The following ASTN1 variants were observed in gnomAD, a reference collection of about 807,000 sequenced individuals.
The protein encoded by ASTN1 is astrotactin 1, also known as astrotactin-1.
In ASTN1, 41 loss-of-function variants were observed where a neutral mutation model predicts 140.7. The observed-to-expected ratio is 0.29, with a 90% confidence interval of 0.23 to 0.38. ASTN1 has a LOEUF of 0.38. ASTN1 is among the 10% of genes least tolerant of loss of function. The pLI, the probability that ASTN1 is intolerant of heterozygous loss-of-function variation, is 1.00. For synonymous variants in ASTN1, 640 were observed against 652.2 expected, an observed-to-expected ratio of 0.98 and a Z score of 0.29; for missense variants, 1,479 against 1,678.8, an observed-to-expected ratio of 0.88 and a Z score of 2.08.
chr1:176,891,412 T>G (rs1669261002), intron 17 of ASTN1, among the ~76,000 whole-genome samples: 1 of 152,198 alleles, frequency 6.6e-6, no homozygotes, highest in African/African-American at 2.4e-5. Flanking sequence ...GGCACTGGGA[T>G]TCTGGAGAAG....
rs917286190 is a variant in ASTN1, at chr1:176,863,285, A to G, written c.*999T>C. 3.2e-5 allele frequency: 32 copies of G among 985,750 alleles called. No homozygotes were observed. The African/African-American group carries it at 5.4e-4, about 17-fold the overall frequency. 61.1% of individuals were successfully genotyped at this position (985,750 alleles called of 1,614,324 possible). ...GTTTTTTGTGATCAATAATAGCTTT[A>G]GTTCACTGTAACACTGATATGAAAG... On this transcript the variant is annotated 3_prime_UTR_variant, in exon 23 of 23. Coordinates refer to ENST00000361833, the MANE Select transcript of ASTN1 (RefSeq NM_004319.3).
chr1:176,940,637 C>G (rs911832962), intron 14 of ASTN1, among the ~76,000 whole-genome samples: 3 of 152,202 alleles, frequency 2.0e-5, no homozygotes, highest in Non-Finnish European at 4.4e-5. Flanking sequence ...CTATAGCAAA[C>G]CTCCAAATAA....
intron 16 of ASTN1, among the ~76,000 whole-genome samples, chr1:176,922,556 C>CAAAAAAAAAAAAAA (rs71129589): frequency 0.012 from 956 of 77,548 alleles, 41 homozygotes; most frequent in African/African-American, 0.014. Context: ...GCCCCCACTG[C>CAAAAAAAAAAAAAA]AAAAAAAAAA....
intron 1 of ASTN1, among the ~76,000 whole-genome samples, chr1:177,128,419 T>C (rs1025321021): frequency 1.3e-5 from 2 of 152,216 alleles, no homozygotes; most frequent in Admixed American, 1.3e-4. Context: ...GAGTTAAAAT[T>C]GTTACCCTCA....
At position 177,088,051 on chromosome 1, in the gene ASTN1, T is replaced by TA. The variant is rs570204041; in HGVS notation, c.284-26787dup. Among the ~76,000 whole-genome samples the TA allele has an allele frequency of 1.1e-4, 16 of 152,358 alleles. No homozygotes were observed. The South Asian group carries it at 3.3e-3, about 32-fold the overall frequency. ...GTACCTGTAAGGTATTATCATCACCTAATCTTTTTCTACCTTCAACTCCGG... is the reference window on the plus strand; with the variant it reads ...GTACCTGTAAGGTATTATCATCACCTAAATCTTTTTCTACCTTCAACTCCGG... On this transcript the variant is annotated intron_variant, in intron 1 of 22. Transcript: ENST00000361833.
chr1:177,129,629 A>T (rs534665073), intron 1 of ASTN1, among the ~76,000 whole-genome samples: 82 of 152,344 alleles, frequency 5.4e-4, no homozygotes, highest in Non-Finnish European at 9.6e-4. Context: ...TGACGTGCTA[A>T]AAGTCATGCT....
chr1:176,905,788 T>C (rs916108260), intron 16 of ASTN1, among the ~76,000 whole-genome samples: 2 of 152,210 alleles, frequency 1.3e-5, no homozygotes, highest in African/African-American at 2.4e-5. Context: ...TTTAAAATAC[T>C]CTGGTCTCTG....
At chr1:176,987,052 G>T (rs894729131) in intron 8 of ASTN1, among the ~76,000 whole-genome samples, 4 of 152,110 alleles carry the variant, frequency 2.6e-5, no homozygotes, top group East Asian at 3.9e-4. Context: ...GGAGGGTGGG[G>T]TGCTACATGT....
intron 1 of ASTN1, among the ~76,000 whole-genome samples, chr1:177,104,483 T>A (rs1308567098): frequency 1.3e-5 from 2 of 152,188 alleles, no homozygotes; most frequent in African/African-American, 4.8e-5. Context: ...TTGGACCACA[T>A]GTGTTTGTGC....
chr1:177,072,490 T>A lies in ASTN1; in HGVS notation c.284-11225A>T, dbSNP rs570680676. Among the ~76,000 whole-genome samples, 9 of 152,296 alleles carry A rather than the reference T, an allele frequency of 5.9e-5. No individual in the cohort carries two copies. The East Asian group carries it at 1.7e-3, about 29-fold the overall frequency. On this transcript the variant is annotated intron_variant, in intron 1 of 22. Transcript: ENST00000361833. ...TGACCTCTAAATGACCTGACAGGCA[T>A]AGCTCCATGGAAACGTTGATTTAGC...
At chr1:176,923,345 G>T (rs536540296) in intron 16 of ASTN1, among the ~76,000 whole-genome samples, 3 of 152,254 alleles carry the variant, frequency 2.0e-5, no homozygotes, top group South Asian at 4.2e-4. Context: ...TTTGAAGAGG[G>T]TTAACAATTT....
At chr1:176,992,286 C>T (rs1674219323) in intron 8 of ASTN1, among the ~76,000 whole-genome samples, 1 of 152,114 alleles carries the variant, frequency 6.6e-6, no homozygotes, top group Admixed American at 6.5e-5. Flanking sequence ...GCATCCAACA[C>T]AGGACCTAAA....
At chr1:177,138,635 A>G (rs1682310482) in intron 1 of ASTN1, among the ~76,000 whole-genome samples, 1 of 152,192 alleles carries the variant, frequency 6.6e-6, no homozygotes, top group Admixed American at 6.5e-5. Context: ...ATGTACCCGG[A>G]CAGCTCTGCT....
At chr1:176,893,678 C>T in intron 17 of ASTN1, among the ~76,000 whole-genome samples, 1 of 152,218 alleles carries the variant, frequency 6.6e-6, no homozygotes, top group East Asian at 1.9e-4. Context: ...ACCTCTCAGG[C>T]AGGTAAGCAG....
chr1:177,032,491 C>A lies in ASTN1; in HGVS notation c.830G>T (p.Gly277Val). ...GTCCATCCCCGACTTTTCATTGCAG[C>A]CCTGCAGGGAGTCGAGGGTGCGCGT... ...QVTRTLDSLQ[G>V]CNEKSGMDLT... The change falls in exon 3 of 23, where the codon GGC becomes GTC. Residue 277 changes from glycine to valine, a missense_variant. Physicochemically the swap from Gly to Val is moderately radical, Grantham distance 109. Around this residue, in one of 3 missense-constraint regions of ASTN1, gnomAD observed 729 missense variants for 860.4 expected, o/e 0.85. Coordinates refer to ENST00000361833, the MANE Select transcript of ASTN1 (RefSeq NM_004319.3). The A allele has an allele frequency of 1.2e-6, 2 of 1,614,102 alleles. No individual in the cohort carries two copies. Among genetic ancestry groups the A allele is most frequent in the Non-Finnish European group, 8.5e-7 (1 of 1,180,004 alleles).
intron 1 of ASTN1, among the ~76,000 whole-genome samples, chr1:177,082,424 C>T (rs1157204496): frequency 1.3e-5 from 2 of 152,182 alleles, no homozygotes; most frequent in African/African-American, 2.4e-5. Context: ...TTTTCACTCC[C>T]ATGGCTCTCT....
In ASTN1 at chr1:176,862,964, C is replaced by T. The variant is rs1372222907; in HGVS notation, c.*1320G>A. 1 of 985,362 alleles carries T rather than the reference C, an allele frequency of 1.0e-6. No individual in the cohort carries two copies. The highest frequency in any genetic ancestry group is 1.2e-6 in the Non-Finnish European group (1 of 829,964). The allele number at this position is 985,362 out of a possible 1,614,324, so 61.0% of individuals were successfully genotyped here. On this transcript the variant is annotated 3_prime_UTR_variant, in exon 23 of 23. Transcript: ENST00000361833. ...TGGCTGAAGGTGTGTGTTCAGGCCA[C>T]TGAGTTGTGTGGGACAGCTAAGGCC...
chr1:177,152,925 T>A (rs1250502712), intron 1 of ASTN1, among the ~76,000 whole-genome samples: 1 of 152,052 alleles, frequency 6.6e-6, no homozygotes, highest in Non-Finnish European at 1.5e-5. Flanking sequence ...TAGACCCAAA[T>A]GTATTATGGA....
At chr1:176,990,454 G>A (rs1674104355) in intron 8 of ASTN1, among the ~76,000 whole-genome samples, 1 of 151,802 alleles carries the variant, frequency 6.6e-6, no homozygotes, top group Non-Finnish European at 1.5e-5. Context: ...AGGAAGACAA[G>A]GAGGAAGATG....
Sources: allele counts gnomAD v4.1 joint callset (sites outside exome capture counted in the v4.1 genomes callset), GRCh38; gene constraint gnomAD v4.1.1; regional missense constraint gnomAD v4.1.1; transcripts MANE v1.5; gene names NCBI Gene and HGNC (gene_info 2026-07-23, HGNC 2026-07-21).